Variants in WWOX observed in about 807,000 individuals in gnomAD.
The protein encoded by WWOX is WW domain containing oxidoreductase.
In WWOX, 69 loss-of-function variants were observed where a neutral mutation model predicts 46.2. The ratio of observed to expected loss-of-function variants is 1.49; its 90% CI spans 1.23 to 1.82. The LOEUF (loss-of-function observed/expected upper bound fraction) is 1.82, where lower values mean the gene tolerates loss of function less well. Ranked by LOEUF, WWOX falls within the 40% of genes most tolerant of loss-of-function variation. The pLI, the probability that WWOX is intolerant of heterozygous loss-of-function variation, is 0.00. For synonymous variants in WWOX, 359 were observed against 202.6 expected (o/e 1.77, Z -6.56); for missense variants, 919 against 542.6 (o/e 1.69, Z -6.89).
intron 8 of WWOX, among the ~76,000 whole-genome samples, chr16:78,846,571 G>A (rs1406464731): frequency 6.6e-6 from 1 of 152,062 alleles, no homozygotes; most frequent in Non-Finnish European, 1.5e-5. Flanking sequence ...TAAGTGATGT[G>A]CCATTCTTCG....
chr16:78,539,588 T>G (rs2043838692), intron 8 of WWOX, among the ~76,000 whole-genome samples: 1 of 152,228 alleles, frequency 6.6e-6, no homozygotes, highest in Non-Finnish European at 1.5e-5. Flanking sequence ...CACACATGCA[T>G]TTTTAAGAAT....
At chr16:78,850,913 G>T (rs982427691) in intron 8 of WWOX, among the ~76,000 whole-genome samples, 1 of 152,198 alleles carries the variant, frequency 6.6e-6, no homozygotes, top group African/African-American at 2.4e-5. Context: ...TTATTGATCA[G>T]TCATGAATAA....
chr16:79,007,980 A>G (rs112926258), intron 8 of WWOX, among the ~76,000 whole-genome samples: 49 of 152,296 alleles, frequency 3.2e-4, no homozygotes, highest in African/African-American at 1.2e-3. Flanking sequence ...AATTTAGTAT[A>G]TTTGTTATCT....
rs576101920 is a variant in WWOX, at chr16:78,667,120, G to C, written c.1056+234368G>C. ...TTTAAATTCAGTCACGTCTTAAATAGTACTTTTCACTCTCCTCCTCTCCAC... is the reference window on the plus strand; with the variant it reads ...TTTAAATTCAGTCACGTCTTAAATACTACTTTTCACTCTCCTCCTCTCCAC... On this transcript the variant is annotated intron_variant, in intron 8 of 8. Coordinates refer to ENST00000566780, the MANE Select transcript of WWOX (RefSeq NM_016373.4). Among the ~76,000 whole-genome samples, 44 of 152,218 alleles carry C rather than the reference G, an allele frequency of 2.9e-4. 1 individual carries two copies. In the South Asian group the frequency reaches 9.1e-3, roughly 32 times the overall value.
At position 78,200,461 on chromosome 16, in the gene WWOX, A is replaced by C. The variant is rs1014656467; in HGVS notation, c.516+36172A>C. ...TGATTTCTCTGAGCCTCAGTTTCCC[A>C]GCATGTAAAATGTTGTGAGGGCTCA... is the stretch of plus-strand genomic sequence containing the variant. On this transcript the variant is annotated intron_variant, in intron 5 of 8. Coordinates refer to ENST00000566780, the MANE Select transcript of WWOX (RefSeq NM_016373.4). Among the ~76,000 whole-genome samples, 3 of 150,662 alleles carry C rather than the reference A, an allele frequency of 2.0e-5. No individual in the cohort carries two copies. The South Asian group carries it at 6.7e-4, about 34-fold the overall frequency.
At chr16:78,562,900 G>A (rs1213754029) in intron 8 of WWOX, among the ~76,000 whole-genome samples, 3 of 152,106 alleles carry the variant, frequency 2.0e-5, no homozygotes, top group African/African-American at 4.8e-5. Context: ...GTGACACATA[G>A]TCAGTTAATT....
At position 78,997,904 on chromosome 16, in the gene WWOX, T is replaced by G. The variant is rs936665284; in HGVS notation, c.1057-213704T>G. ...TCTTTCTTTTTTTTTTAGACAGAGT[T>G]TCACCCTTATTGCCTAGGCTGGAGT... is the stretch of plus-strand genomic sequence containing the variant. On this transcript the variant is annotated intron_variant, in intron 8 of 8. Coordinates refer to ENST00000566780, the MANE Select transcript of WWOX (RefSeq NM_016373.4). 2.0e-5 allele frequency among the ~76,000 whole-genome samples: 3 copies of G among 152,160 alleles called. No individual in the cohort carries two copies. The South Asian group carries it at 6.2e-4, about 32-fold the overall frequency.
At chr16:78,615,117 C>G (rs2045990300) in intron 8 of WWOX, among the ~76,000 whole-genome samples, 1 of 152,164 alleles carries the variant, frequency 6.6e-6, no homozygotes, top group African/African-American at 2.4e-5. Flanking sequence ...ATAATTTGTA[C>G]AAGTTTATAT....
At chr16:79,205,522 T>G (rs1782613386) in intron 8 of WWOX, 1 of 152,214 alleles carries the variant, frequency 6.6e-6, no homozygotes, top group African/African-American at 2.4e-5. Context: ...CTAAATGGAT[T>G]CTCCAGAACA....
chr16:78,684,341 T>A (rs532174380), intron 8 of WWOX, among the ~76,000 whole-genome samples: 20 of 152,214 alleles, frequency 1.3e-4, no homozygotes, highest in African/African-American at 4.8e-4. Context: ...CCCACCTAAG[T>A]AGAAGGACCT....
chr16:79,088,592 G>C (rs2150595362), intron 8 of WWOX, among the ~76,000 whole-genome samples: 1 of 152,290 alleles, frequency 6.6e-6, no homozygotes, highest in East Asian at 1.9e-4. Flanking sequence ...GAAACTAAAA[G>C]AGGTTTTCTA....
At chr16:78,143,750 A>ATTTTTTTTTTTTTTTTTTTTTTT (rs1183025860) in intron 4 of WWOX, among the ~76,000 whole-genome samples, 1 of 92,242 alleles carries the variant, frequency 1.1e-5, no homozygotes, top group African/African-American at 3.8e-5. Flanking sequence ...AAGAATTGGT[A>ATTTTTTTTTTTTTTTTTTTTTTT]TGTTTTTTTT....
intron 8 of WWOX, among the ~76,000 whole-genome samples, chr16:78,945,664 T>C (rs1450023534): frequency 6.6e-6 from 1 of 152,192 alleles, no homozygotes; most frequent in Non-Finnish European, 1.5e-5. Context: ...TAAGTTGGCA[T>C]CTTTTTTTCT....
At chr16:78,726,683 C>A (rs188880111) in intron 8 of WWOX, among the ~76,000 whole-genome samples, 1 of 148,724 alleles carries the variant, frequency 6.7e-6, no homozygotes, top group Non-Finnish European at 1.5e-5. Flanking sequence ...TTATGTAAAG[C>A]CCTAGGGTTA....
At chr16:78,501,684 C>T (rs2085073271) in intron 8 of WWOX, among the ~76,000 whole-genome samples, 1 of 152,028 alleles carries the variant, frequency 6.6e-6, no homozygotes, top group South Asian at 2.1e-4. Flanking sequence ...TTACAGGCAT[C>T]CGCCACCATG....
chr16:78,649,438 C>G (rs1418851395), intron 8 of WWOX, among the ~76,000 whole-genome samples: 1 of 151,844 alleles, frequency 6.6e-6, no homozygotes, highest in Admixed American at 6.6e-5. Flanking sequence ...TGGGTACCAC[C>G]ATACCCAGCT....
intron 8 of WWOX, among the ~76,000 whole-genome samples, chr16:78,645,826 G>C (rs1044428389): frequency 6.6e-6 from 1 of 152,142 alleles, no homozygotes; most frequent in African/African-American, 2.4e-5. Flanking sequence ...CAAAATCAAG[G>C]TGTTGGCAGG....
At chr16:78,797,972 G>C (rs1403506257) in intron 8 of WWOX, among the ~76,000 whole-genome samples, 2 of 152,144 alleles carry the variant, frequency 1.3e-5, no homozygotes, top group African/African-American at 4.8e-5. Context: ...TGGGTGACAG[G>C]GTGAGACCCT....
At chr16:78,992,069 A>C (rs1283720138) in intron 8 of WWOX, among the ~76,000 whole-genome samples, 2 of 152,162 alleles carry the variant, frequency 1.3e-5, no homozygotes, top group African/African-American at 2.4e-5. Flanking sequence ...TAATTCGTTC[A>C]TTCTTGGAAT....
Sources: allele counts gnomAD v4.1 joint callset (sites outside exome capture counted in the v4.1 genomes callset), GRCh38; gene constraint gnomAD v4.1.1; transcripts MANE v1.5; gene names NCBI Gene and HGNC (gene_info 2026-07-23, HGNC 2026-07-21).